SH3YL1: variants seen among roughly 807,000 people sequenced by gnomAD.
SH3YL1 encodes SH3 domain-containing YSC84-like protein 1.
In SH3YL1, 41 loss-of-function variants were observed where a neutral mutation model predicts 45.8. The observed-to-expected ratio is 0.89, with a 90% CI of 0.70 to 1.16. The LOEUF (loss-of-function observed/expected upper bound fraction) is 1.16. SH3YL1 is among the 50% of genes most tolerant of loss of function. The pLI, the probability that SH3YL1 is intolerant of heterozygous loss-of-function variation, is 0.00. For missense variants in SH3YL1, 389 were observed against 409.6 expected, an observed-to-expected ratio of 0.95 and a Z score of 0.43; for synonymous variants, 152 against 151.4, an observed-to-expected ratio of 1.00 and a Z score of -0.03.
chr2:244,640 G>A (rs189973899), intron 4 of SH3YL1: 1 of 152,266 alleles, frequency 6.6e-6, no homozygotes, highest in Non-Finnish European at 1.5e-5. Context: ...TTACGTGTGT[G>A]CCATCTATGT....
At chr2:229,726 C>G (rs1428204447) in intron 8 of SH3YL1, among the ~76,000 whole-genome samples, 2 of 65,376 alleles carry the variant, frequency 3.1e-5, no homozygotes, top group Non-Finnish European at 5.9e-5. Flanking sequence ...GAGACTCCGT[C>G]TCAAAAAAAA....
intron 1 of SH3YL1, among the ~76,000 whole-genome samples, chr2:261,921 T>C (rs1186249587): frequency 2.0e-5 from 3 of 152,220 alleles, no homozygotes; most frequent in South Asian, 4.1e-4. Flanking sequence ...TCCAAGTTCT[T>C]ACTGATTACA....
upstream of SH3YL1, chr2:264,708 G>T: frequency 4.8e-6 from 2 of 414,516 alleles, no homozygotes; most frequent in Non-Finnish European, 8.7e-6. Context: ...ACAACCTGCA[G>T]CCCCGCCCCT....
chr2:248,003 G>C (rs138242872), intron 3 of SH3YL1, among the ~76,000 whole-genome samples: 7 of 152,192 alleles, frequency 4.6e-5, no homozygotes, highest in Non-Finnish European at 1.0e-4. Flanking sequence ...AGATCAGAAG[G>C]ATTCGAGAGA....
chr2:264,801 C>G (rs1669787948), upstream of SH3YL1: 2 of 752,642 alleles, frequency 2.7e-6, no homozygotes, highest in African/African-American at 3.7e-5. Flanking sequence ...ACCGCCTCCG[C>G]AGGCGCACTG....
chr2:229,453 G>T (rs1181982275), intron 8 of SH3YL1, among the ~76,000 whole-genome samples: 1 of 152,116 alleles, frequency 6.6e-6, no homozygotes, highest in East Asian at 1.9e-4. Context: ...TTATGGGCCG[G>T]GCACGGTGGC....
chr2:255,580 G>C (rs3924770), intron 1 of SH3YL1, among the ~76,000 whole-genome samples: 45,526 of 152,136 alleles, frequency 0.3, 7,506 homozygotes, highest in East Asian at 0.59. Flanking sequence ...CTGGGCAACA[G>C]GGCAAAGCCC....
At chr2:224,606 C>T (rs1298114553) in intron 9 of SH3YL1, among the ~76,000 whole-genome samples, 1 of 152,266 alleles carries the variant, frequency 6.6e-6, no homozygotes, top group Middle Eastern at 3.4e-3. Context: ...GGCTTAGCAG[C>T]GCTGTCCCCA....
At position 230,051 on chromosome 2, in the gene SH3YL1, G is replaced by C; in HGVS notation, c.703-7C>G. 1 of 1,587,902 alleles carries C rather than the reference G, an allele frequency of 6.3e-7. No individual in the cohort carries two copies. On this transcript the variant is annotated splice_polypyrimidine_tract_variant and splice_region_variant and intron_variant, in intron 7 of 9. Coordinates refer to ENST00000356150, the MANE Select transcript of SH3YL1 (RefSeq NM_015677.4). Reference sequence around the variant, plus strand: ...TTGGAGGTAATTCTTTAGCCTGGGAGAAACAAAAAGATAAATACACATAAT... The same window carrying C: ...TTGGAGGTAATTCTTTAGCCTGGGACAAACAAAAAGATAAATACACATAAT...
intron 1 of SH3YL1, chr2:260,618 AG>A (rs1459096980): frequency 6.6e-6 from 1 of 152,258 alleles, no homozygotes; most frequent in African/African-American, 2.4e-5. Flanking sequence ...CAGAAGGTGG[AG>A]AGAGCACCTG....
At chr2:244,527 A>AAAAG (rs373005329) in intron 4 of SH3YL1, 3 of 148,978 alleles carry the variant, frequency 2.0e-5, no homozygotes, top group African/African-American at 7.4e-5. Context: ...AAAGAAAAGA[A>AAAAG]AAAGAAAGAA....
chr2:263,930 C>T (rs1187201603), intron 1 of SH3YL1, 54 bp downstream of exon 1: 1 of 1,427,202 alleles, frequency 7.0e-7, no homozygotes, highest in East Asian at 2.7e-5. Flanking sequence ...CCACCACCGC[C>T]CAGCTCTTGA....
upstream of SH3YL1, chr2:264,084 C>G (rs890960636): frequency 1.5e-5 from 20 of 1,342,850 alleles, no homozygotes; most frequent in Non-Finnish European, 1.9e-5. Context: ...GAGGGCGTAC[C>G]TGCGGCAGGT....
chr2:220,272 C>A (rs1667515680), intron 9 of SH3YL1, among the ~76,000 whole-genome samples: 1 of 151,916 alleles, frequency 6.6e-6, no homozygotes, highest in Non-Finnish European at 1.5e-5. Context: ...ACTACTCTGA[C>A]TAAAACACTG....
rs1261739016 is a variant in SH3YL1, at chr2:233,337, C to T, written c.405-108G>A. The T allele has an allele frequency of 5.1e-6, 6 of 1,172,340 alleles. 1 individual carries two copies. The highest frequency in any genetic ancestry group is 4.2e-4 in the Middle Eastern group (2 of 4,746). The allele number at this position is 1,172,340 out of a possible 1,614,324, so 72.6% of individuals were successfully genotyped here. Reference sequence around the variant, plus strand: ...TCAAATGAATTATTTTGTTCTGTACCTTCTTCAGCTGTTTCTATGTTTTAC... The same window carrying T: ...TCAAATGAATTATTTTGTTCTGTACTTTCTTCAGCTGTTTCTATGTTTTAC... On this transcript the variant is annotated intron_variant, in intron 5 of 9. Transcript: ENST00000356150.
intron 4 of SH3YL1, 114 bp downstream of exon 4, chr2:247,424 C>A: frequency 1.4e-6 from 1 of 693,946 alleles, no homozygotes; most frequent in South Asian, 2.5e-5. Flanking sequence ...ACAATTTTTC[C>A]TAAGTGCCAA....
upstream of SH3YL1, chr2:264,713 G>A (rs1332579881): frequency 1.3e-5 from 5 of 377,644 alleles, no homozygotes; most frequent in Non-Finnish European, 2.4e-5. Context: ...CTGCAGCCCC[G>A]CCCCTGCAGG....
At chr2:249,315 C>T (rs1415166173) in intron 3 of SH3YL1, among the ~76,000 whole-genome samples, 1 of 152,150 alleles carries the variant, frequency 6.6e-6, no homozygotes, top group Non-Finnish European at 1.5e-5. Flanking sequence ...TGATCTACCA[C>T]AGAAACAAAG....
rs1668024643 is a variant in SH3YL1 at position 231,177 on chromosome 2, T to C, written c.548A>G (p.Asp183Gly). The change falls in exon 7 of 10, where the codon GAT becomes GGT. Residue 183 changes from aspartate (D) to glycine (G), a missense_variant. Physicochemically the swap from Asp to Gly is moderately conservative, Grantham distance 94. Coordinates refer to ENST00000356150, the MANE Select transcript of SH3YL1 (RefSeq NM_015677.4). ...KETNRKFYCQ[D>G]IRAYDILFGD... ...AAATAAAATGTCATAAGCTCGGATA[T>C]CTTGACAATAAAATCTAATGGGAAA... The C allele has an allele frequency of 2.5e-6, 4 of 1,609,762 alleles. No homozygotes were observed. The highest frequency in any genetic ancestry group is 2.2e-5 in the East Asian group (1 of 44,848).
Sources: allele counts gnomAD v4.1 joint callset (sites outside exome capture counted in the v4.1 genomes callset), GRCh38; gene constraint gnomAD v4.1.1; transcripts MANE v1.5; gene names NCBI Gene and HGNC (gene_info 2026-07-23, HGNC 2026-07-21).